The following FBXO31 variants were observed in gnomAD, a reference collection of about 807,000 sequenced individuals.
FBXO31 encodes F-box only protein 31.
FBXO31 carries 24 observed loss-of-function variants against 54.4 expected under a neutral mutation model. The observed-to-expected ratio is 0.44, with a 90% CI of 0.32 to 0.62. FBXO31 has a LOEUF of 0.62. FBXO31 is among the 20% of genes least tolerant of loss of function. FBXO31 has a pLI of 0.05. For synonymous variants in FBXO31, 388 were observed against 335.6 expected, an observed-to-expected ratio of 1.16 and a Z score of -1.71; for missense variants, 665 against 787.1, an observed-to-expected ratio of 0.84 and a Z score of 1.86.
rs1041126527 is a variant in FBXO31 at position 87,347,125 on chromosome 16, C to A, written c.489+49G>T. The stretch of plus-strand genomic sequence containing the variant: ...GGCCCTCAAATTCCTCCACGTAAGG[C>A]ACCACTCCTGCCCGTGCACAGACCT... On this transcript the variant is annotated intron_variant, in intron 3 of 8. Coordinates refer to ENST00000311635, the MANE Select transcript of FBXO31 (RefSeq NM_024735.5). 5.2e-6 allele frequency: 8 copies of A among 1,528,904 alleles called. No homozygotes were observed. The East Asian group carries it at 1.6e-4, about 30-fold the overall frequency. The allele number at this position is 1,528,904 out of a possible 1,614,324, so 94.7% of individuals were successfully genotyped here.
chr16:87,365,076 G>A (rs1317584498), intron 1 of FBXO31, among the ~76,000 whole-genome samples: 1 of 122,748 alleles, frequency 8.1e-6, no homozygotes, highest in African/African-American at 3.1e-5. Context: ...CATTTTCTGT[G>A]AGGATATAAA....
At chr16:87,342,744 C>T (rs906887568) in intron 5 of FBXO31, 133 bp downstream of exon 5, 11 of 721,908 alleles carry the variant, frequency 1.5e-5, no homozygotes, top group Admixed American at 1.4e-4. Context: ...CTGACAATAC[C>T]GGCTGAACCA....
chr16:87,347,680 C>CA (rs34496343), intron 2 of FBXO31, among the ~76,000 whole-genome samples: 4,786 of 58,558 alleles, frequency 0.082, 363 homozygotes, highest in African/African-American at 0.2. Context: ...ACTCAGTCTC[C>CA]AAAAAAAAAA....
Position 87,347,248 on chromosome 16 carries a change from G to A in FBXO31, c.415C>T (p.Leu139Phe). ...CCCAAAATGTGTCTATATCGGTGAA[G>A]CACTACAGGAGGAGAGAAAGAGCAA... ...VSCRDVYAKL[L>F]HRYRHILGLW... The change falls in exon 3 of 9, where the codon CTT (leucine) becomes TTT (phenylalanine). Residue 139 changes from leucine to phenylalanine, a missense_variant and splice_region_variant. By Grantham distance (22) the Leu-to-Phe change is conservative. Coordinates refer to ENST00000311635, the MANE Select transcript of FBXO31 (RefSeq NM_024735.5). 1 of 1,614,022 alleles carries A rather than the reference G, an allele frequency of 6.2e-7. No homozygotes were observed. The highest frequency in any genetic ancestry group is 8.5e-7 in the Non-Finnish European group (1 of 1,179,882).
rs561690072 is a variant in FBXO31, at chr16:87,377,691, T to C, written c.340+5714A>G. Among the ~76,000 whole-genome samples, 23 of 151,516 alleles carry C rather than the reference T, an allele frequency of 1.5e-4. 1 individual carries two copies. The South Asian group carries it at 4.6e-3, about 30-fold the overall frequency. ...ATAATACAAAAAAATTAGCTGGGTG[T>C]GGTGGTGCACGCCTGTACTCCCAGC... On this transcript the variant is annotated intron_variant, in intron 1 of 8. Transcript: ENST00000311635.
chr16:87,332,951 G>A (rs1904914805), intron 8 of FBXO31, among the ~76,000 whole-genome samples: 1 of 152,226 alleles, frequency 6.6e-6, no homozygotes, highest in Admixed American at 6.5e-5. Context: ...AACCCTCTGT[G>A]GTGATGGAAT....
chr16:87,354,145 C>G (rs1273997592), intron 2 of FBXO31, among the ~76,000 whole-genome samples: 1 of 152,234 alleles, frequency 6.6e-6, no homozygotes, highest in Non-Finnish European at 1.5e-5. Flanking sequence ...TGAGTAAAGG[C>G]TAAAATGAAT....
chr16:87,391,540 GATGTGGGGCAGGCCTGGCA>G (rs1907550611), upstream of FBXO31: 1 of 152,348 alleles, frequency 6.6e-6, no homozygotes, highest in Non-Finnish European at 1.5e-5. Context: ...GGCGGCTAGC[GATGTGGGGCAGGCCTGGCA>G]GTCGCCACAG....
chr16:87,380,409 G>A (rs1054113607), intron 1 of FBXO31, among the ~76,000 whole-genome samples: 5 of 151,966 alleles, frequency 3.3e-5, no homozygotes, highest in Non-Finnish European at 1.5e-5. Context: ...TGTTTTTCAT[G>A]GGTTTTTTTT....
At position 87,335,416 on chromosome 16, in the gene FBXO31, C is replaced by T. The variant is rs1342616722; in HGVS notation, c.884G>A (p.Arg295His). Residue 295 changes from arginine (R) to histidine (H), a missense_variant, in exon 7 of 9, where the codon CGC (arginine) becomes CAC (histidine). Physicochemically the swap from Arg to His is conservative, Grantham distance 29. Transcript: ENST00000311635. This position sits in a 1 kb window ranked among gnomAD's most constrained non-coding sequence, Gnocchi z 5.7. ...GCCAGGCTTGATGAGGTCGTCGGGG[C>T]GGCTGGGCGGCAGGTAGATGCGGCG... ...TYRRIYLPPS[R>H]PDDLIKPGLF... 1.4e-5 allele frequency: 22 copies of T among 1,613,514 alleles called. No individual in the cohort carries two copies. The highest frequency in any genetic ancestry group is 4.0e-5 in the African/African-American group (3 of 74,902).
chr16:87,377,209 C>T (rs1345325825), intron 1 of FBXO31, among the ~76,000 whole-genome samples: 1 of 152,226 alleles, frequency 6.6e-6, no homozygotes, highest in African/African-American at 2.4e-5. Context: ...CTTTGGGAGG[C>T]CGAGGCGGGC....
chr16:87,363,454 G>A (rs1383160315), intron 1 of FBXO31, among the ~76,000 whole-genome samples: 1 of 152,164 alleles, frequency 6.6e-6, no homozygotes, highest in Non-Finnish European at 1.5e-5. Context: ...GGGGCCTCCT[G>A]GGTGACCTGG....
intron 1 of FBXO31, among the ~76,000 whole-genome samples, chr16:87,371,410 G>A (rs569267748): frequency 1.3e-5 from 2 of 152,354 alleles, no homozygotes; most frequent in Admixed American, 1.3e-4. Flanking sequence ...AAGGGCACAA[G>A]CAATCACTCG....
rs1416709367 is a variant in FBXO31, at chr16:87,328,778, T to C, written c.*2510A>G. 1 of 152,312 alleles carries C rather than the reference T, an allele frequency of 6.6e-6. No individual in the cohort carries two copies. The highest frequency in any genetic ancestry group is 1.5e-5 in the Non-Finnish European group (1 of 68,134). 9.4% of individuals were successfully genotyped at this position (152,312 alleles called of 1,614,324 possible). A position where few individuals can be genotyped will look rare whatever the true frequency, so the allele number is the denominator to read the frequency against. ...TGAGACAGCGACAGAAAGGCATCCG[T>C]GGTGCAAAAGATGGAGAGTCCCAAC... On this transcript the variant is annotated 3_prime_UTR_variant, in exon 9 of 9. Coordinates refer to ENST00000311635, the MANE Select transcript of FBXO31 (RefSeq NM_024735.5).
intron 1 of FBXO31, among the ~76,000 whole-genome samples, chr16:87,362,216 C>T (rs909460591): frequency 1.3e-5 from 2 of 151,860 alleles, no homozygotes; most frequent in Non-Finnish European, 2.9e-5. Context: ...AAAAAGGGTA[C>T]AATTAAACAG....
At position 87,346,305 on chromosome 16, in the gene FBXO31, C is replaced by T. The variant is rs1234071161; in HGVS notation, c.489+869G>A. Reference sequence around the variant, plus strand: ...CCAGGCCACGGCACCCAGCAAGTGCCCAGGCGCACAGTGAGGGGTGGGGGG... The same window carrying T: ...CCAGGCCACGGCACCCAGCAAGTGCTCAGGCGCACAGTGAGGGGTGGGGGG... On this transcript the variant is annotated intron_variant, in intron 3 of 8. Transcript: ENST00000311635. The surrounding 1 kb of genome is among the most constrained non-coding windows in gnomAD (Gnocchi z 4.2). Among the ~76,000 whole-genome samples, 2 of 152,094 alleles carry T rather than the reference C, an allele frequency of 1.3e-5. No homozygotes were observed. Among genetic ancestry groups the T allele is most frequent in the Non-Finnish European group, 2.9e-5 (2 of 68,028 alleles).
intron 5 of FBXO31, among the ~76,000 whole-genome samples, chr16:87,340,442 C>T (rs576841554): frequency 2.2e-4 from 34 of 152,338 alleles, no homozygotes; most frequent in Admixed American, 7.2e-4. Context: ...GTGGTTATCA[C>T]GCATCCAGTG....
intron 8 of FBXO31, among the ~76,000 whole-genome samples, chr16:87,332,022 G>C (rs754897465): frequency 6.6e-6 from 1 of 152,238 alleles, no homozygotes; most frequent in Non-Finnish European, 1.5e-5. Flanking sequence ...ATGGCTTTGA[G>C]GTCAACATCA....
intron 1 of FBXO31, among the ~76,000 whole-genome samples, chr16:87,369,840 C>G (rs1052470576): frequency 2.0e-5 from 3 of 151,884 alleles, no homozygotes; most frequent in African/African-American, 7.3e-5. Context: ...GACTGAGACT[C>G]CGTCTCAAAA....
Sources: allele counts gnomAD v4.1 joint callset (sites outside exome capture counted in the v4.1 genomes callset), GRCh38; gene constraint gnomAD v4.1.1; non-coding constraint Gnocchi (gnomAD v3.1); transcripts MANE v1.5; gene names NCBI Gene and HGNC (gene_info 2026-07-23, HGNC 2026-07-21).